ARHGAP10: variants seen among roughly 807,000 people sequenced by gnomAD.
ARHGAP10 encodes Rho GTPase activating protein 10, also known as rho GTPase-activating protein 10.
In ARHGAP10, 87 loss-of-function variants were observed where a neutral mutation model predicts 108.6. The observed-to-expected ratio is 0.80, with a 90% CI of 0.67 to 0.96. ARHGAP10 has a LOEUF of 0.96. ARHGAP10 is among the 40% of genes least tolerant of loss of function. ARHGAP10 has a pLI of 0.00. For missense variants in ARHGAP10, 939 were observed against 954.5 expected (o/e 0.98, Z 0.21); for synonymous variants, 347 against 341.1 (o/e 1.02, Z -0.19).
intron 3 of ARHGAP10, among the ~76,000 whole-genome samples, chr4:147,828,448 C>CTGCCACATGCCAAGCACTG (rs1293972133): frequency 6.6e-6 from 1 of 152,152 alleles, no homozygotes; most frequent in Non-Finnish European, 1.5e-5. Context: ...TAGTGTGTGC[C>CTGCCACATGCCAAGCACTG]TGCCACATGC....
chr4:147,822,818 C>T lies in ARHGAP10; in HGVS notation c.246C>T (p.Cys82=), dbSNP rs762153577. The T allele has an allele frequency of 1.9e-6, 3 of 1,614,096 alleles. No individual in the cohort carries two copies. The highest frequency in any genetic ancestry group is 1.7e-6 in the Non-Finnish European group (2 of 1,179,958). Residue 82 remains cysteine, a synonymous_variant, in exon 2 of 23, where the codon TGC becomes TGT. Coordinates refer to ENST00000336498, the MANE Select transcript of ARHGAP10 (RefSeq NM_024605.4). ...IGDAVTDDER[C]IDASLREFSN... Reference sequence around the variant, plus strand: ...ATGCTGTGACAGATGATGAACGATGCATAGGTAATTAAACATGATATTTTG... The same window carrying T: ...ATGCTGTGACAGATGATGAACGATGTATAGGTAATTAAACATGATATTTTG...
chr4:147,830,365 C>A (rs1579092326), intron 3 of ARHGAP10, among the ~76,000 whole-genome samples: 2 of 152,136 alleles, frequency 1.3e-5, no homozygotes, highest in Admixed American at 6.5e-5. Context: ...TTTACTGCAC[C>A]CCCTTCTCAT....
chr4:147,813,988 C>T (rs971554585), intron 1 of ARHGAP10, among the ~76,000 whole-genome samples: 4 of 152,144 alleles, frequency 2.6e-5, no homozygotes, highest in Non-Finnish European at 4.4e-5. Flanking sequence ...TTCCTGATAG[C>T]AGTAATTTAT....
intron 15 of ARHGAP10, among the ~76,000 whole-genome samples, chr4:147,948,666 T>C (rs1738477455): frequency 6.6e-6 from 1 of 152,082 alleles, no homozygotes; most frequent in South Asian, 2.1e-4. Context: ...ATTTCAAGAA[T>C]GCATTGTAGG....
chr4:147,781,074 C>T (rs1010530123), intron 1 of ARHGAP10, among the ~76,000 whole-genome samples: 11 of 152,032 alleles, frequency 7.2e-5, no homozygotes, highest in Admixed American at 3.3e-4. Flanking sequence ...GGACTACTGG[C>T]GGGGCCGGGC....
chr4:147,812,340 G>A (rs1393208321), intron 1 of ARHGAP10, among the ~76,000 whole-genome samples: 3 of 152,162 alleles, frequency 2.0e-5, no homozygotes, highest in Non-Finnish European at 2.9e-5. Context: ...GTCCAGGCCC[G>A]TGTCAGTATG....
chr4:147,864,820 G>GA (rs781596217), intron 5 of ARHGAP10, 26 bp from the exon 6 acceptor site: 3 of 1,601,528 alleles, frequency 1.9e-6, no homozygotes, highest in East Asian at 4.5e-5. Context: ...TCTCCAGTTT[G>GA]ACTAACCTCT....
chr4:147,870,251 C>T lies in ARHGAP10; in HGVS notation c.702+3435C>T, dbSNP rs932632969. 5.3e-5 allele frequency among the ~76,000 whole-genome samples: 8 copies of T among 152,002 alleles called. No homozygotes were observed. In the South Asian group the frequency reaches 8.3e-4, roughly 16 times the overall value. On this transcript the variant is annotated intron_variant, in intron 7 of 22. Coordinates refer to ENST00000336498, the MANE Select transcript of ARHGAP10 (RefSeq NM_024605.4). ...ATTTTTTTGTATTTTTTGATAGAGA[C>T]GGCGATTCACCGTGTTAGTCAGGAT...
At chr4:147,991,548 A>G (rs1560862872) in intron 18 of ARHGAP10, among the ~76,000 whole-genome samples, 1 of 152,244 alleles carries the variant, frequency 6.6e-6, no homozygotes, top group Non-Finnish European at 1.5e-5. Flanking sequence ...AGATAGTCAC[A>G]TGCGCATCCT....
rs1284563159 is a variant in ARHGAP10, at chr4:147,978,168, TA to T, written c.1716+11330del. Among the ~76,000 whole-genome samples, 9 of 152,312 alleles carry T rather than the reference TA, an allele frequency of 5.9e-5. No homozygotes were observed. In the South Asian group the frequency reaches 8.3e-4, roughly 14 times the overall value. ...TTTTGGGTGGAATGATTTATTCATTTATTTTTTTTGGATATATACCCAGTAA... is the reference window on the plus strand; with the variant it reads ...TTTTGGGTGGAATGATTTATTCATTTTTTTTTTTGGATATATACCCAGTAA... On this transcript the variant is annotated intron_variant, in intron 18 of 22. Coordinates refer to ENST00000336498, the MANE Select transcript of ARHGAP10 (RefSeq NM_024605.4).
At chr4:147,870,048 CATTT>C (rs1366162831) in intron 7 of ARHGAP10, among the ~76,000 whole-genome samples, 1 of 131,066 alleles carries the variant, frequency 7.6e-6, no homozygotes, top group Non-Finnish European at 1.6e-5. Context: ...GTGTGTGTTT[CATTT>C]ATTTGTTTGT....
intron 1 of ARHGAP10, among the ~76,000 whole-genome samples, chr4:147,811,850 G>T (rs1732032836): frequency 1.3e-5 from 2 of 152,202 alleles, no homozygotes; most frequent in African/African-American, 4.8e-5. Flanking sequence ...AGAAGCACAG[G>T]TGTCCCACCT....
chr4:147,839,043 T>TC (rs1237153644), intron 3 of ARHGAP10, among the ~76,000 whole-genome samples: 1 of 152,168 alleles, frequency 6.6e-6, no homozygotes, highest in Middle Eastern at 3.2e-3. Flanking sequence ...TTCTTTTTTT[T>TC]CCTAACAGAT....
intron 1 of ARHGAP10, among the ~76,000 whole-genome samples, chr4:147,785,275 G>A (rs1054617642): frequency 2.0e-5 from 3 of 151,914 alleles, no homozygotes; most frequent in Non-Finnish European, 4.4e-5. Context: ...GTGATGGCTT[G>A]TTGTGTTTTA....
chr4:148,039,909 A>G (rs186289079), intron 19 of ARHGAP10, among the ~76,000 whole-genome samples: 249 of 152,100 alleles, frequency 1.6e-3, no homozygotes, highest in Non-Finnish European at 2.9e-3. Context: ...TTTCACTTCT[A>G]TTCTCTATAT....
At chr4:147,766,998 G>A (rs562365009) in intron 1 of ARHGAP10, among the ~76,000 whole-genome samples, 16 of 151,560 alleles carry the variant, frequency 1.1e-4, no homozygotes, top group Non-Finnish European at 2.1e-4. Flanking sequence ...ACAGGCGCCT[G>A]CCACCACGCC....
chr4:147,865,071 AAG>A lies in ARHGAP10; in HGVS notation c.597+119_597+120del, dbSNP rs1225751475. On this transcript the variant is annotated intron_variant, in intron 6 of 22. Transcript: ENST00000336498. Reference sequence around the variant, plus strand: ...TAGAGGCCATAGTGCATAAACATGAAAGAGACATATTAAAAAGGGCAGACACA... The same window carrying A: ...TAGAGGCCATAGTGCATAAACATGAAAGACATATTAAAAAGGGCAGACACA... 4.6e-6 allele frequency: 4 copies of A among 877,100 alleles called. No homozygotes were observed. In the African/African-American group the frequency reaches 5.1e-5, roughly 11 times the overall value. The allele number at this position is 877,100 out of a possible 1,614,324, so 54.3% of individuals were successfully genotyped here.
intron 19 of ARHGAP10, among the ~76,000 whole-genome samples, chr4:148,037,612 G>A (rs1185173955): frequency 8.5e-5 from 13 of 152,060 alleles, no homozygotes; most frequent in South Asian, 2.1e-4. Context: ...AGGCAGGGGC[G>A]GATCATGAGG....
At chr4:147,936,904 AGCCTTATG>A (rs1360948554) in intron 13 of ARHGAP10, among the ~76,000 whole-genome samples, 2 of 152,206 alleles carry the variant, frequency 1.3e-5, no homozygotes, top group African/African-American at 4.8e-5. Context: ...GCAGTGGGCA[AGCCTTATG>A]GCCTCAGCTC....
Sources: gnomAD v4.1 joint callset for allele counts (sites outside exome capture counted in the v4.1 genomes callset) on GRCh38, gnomAD v4.1.1 for gene constraint, MANE v1.5 for transcripts, NCBI Gene and HGNC (gene_info 2026-07-23, HGNC 2026-07-21) for gene names.